The following TEAD1 variants were observed in gnomAD, a reference collection of about 807,000 sequenced individuals.
TEAD1 encodes transcriptional enhancer factor TEF-1.
A neutral mutation model predicts 54.9 loss-of-function variants in TEAD1; 9 were observed. That is an observed-to-expected ratio of 0.16 (90% CI 0.10 to 0.29). The LOEUF is 0.29. Ranked by LOEUF, TEAD1 falls within the 10% of genes least tolerant of loss-of-function variation. The pLI is 1.00. For synonymous variants in TEAD1, 200 were observed against 187.8 expected, an observed-to-expected ratio of 1.07 and a Z score of -0.53; for missense variants, 387 against 535.9, an observed-to-expected ratio of 0.72 and a Z score of 2.74.
intron 3 of TEAD1, among the ~76,000 whole-genome samples, chr11:12,819,712 A>C (rs1946498189): frequency 6.6e-6 from 1 of 152,088 alleles, no homozygotes; most frequent in Admixed American, 6.6e-5. Context: ...CGGTCTCCCA[A>C]AGTGCTGGGA....
intron 5 of TEAD1, among the ~76,000 whole-genome samples, chr11:12,874,104 C>A (rs998123766): frequency 6.6e-6 from 1 of 152,062 alleles, no homozygotes; most frequent in Non-Finnish European, 1.5e-5. Flanking sequence ...GAAATCATGG[C>A]CCATGAATAA....
At chr11:12,692,499 C>A (rs1158366372) in intron 2 of TEAD1, among the ~76,000 whole-genome samples, 2 of 152,084 alleles carry the variant, frequency 1.3e-5, no homozygotes, top group Non-Finnish European at 2.9e-5. Context: ...GCCCCTCACC[C>A]ACCACCCCGG....
intron 2 of TEAD1, among the ~76,000 whole-genome samples, chr11:12,692,226 AC>A (rs34508218): frequency 2.2e-4 from 33 of 151,846 alleles, no homozygotes; most frequent in African/African-American, 7.5e-4. Flanking sequence ...TAGGCCAACC[AC>A]CCCCCAGTCC....
At chr11:12,807,036 TG>T (rs1336750164) in intron 3 of TEAD1, among the ~76,000 whole-genome samples, 1 of 152,212 alleles carries the variant, frequency 6.6e-6, no homozygotes, top group African/African-American at 2.4e-5. Flanking sequence ...CATTGCACTT[TG>T]TTTTATTTTA....
At chr11:12,903,214 T>C (rs1424579089) in intron 10 of TEAD1, among the ~76,000 whole-genome samples, 1 of 152,206 alleles carries the variant, frequency 6.6e-6, no homozygotes, top group African/African-American at 2.4e-5. Flanking sequence ...GACAGGCTTG[T>C]AGGTTGGGTA....
chr11:12,811,137 C>T (rs1270749830), intron 3 of TEAD1, among the ~76,000 whole-genome samples: 1 of 152,188 alleles, frequency 6.6e-6, no homozygotes, highest in Non-Finnish European at 1.5e-5. Context: ...AGGGATGGTG[C>T]CTGACCAGTC....
chr11:12,777,827 A>C (rs1016538174), intron 3 of TEAD1, among the ~76,000 whole-genome samples: 1 of 152,200 alleles, frequency 6.6e-6, no homozygotes, highest in Non-Finnish European at 1.5e-5. Context: ...CTCAGTCCCC[A>C]TATGTCCTTA....
chr11:12,928,635 G>T (rs1304084425), intron 11 of TEAD1, among the ~76,000 whole-genome samples: 2 of 151,982 alleles, frequency 1.3e-5, no homozygotes, highest in African/African-American at 2.4e-5. Context: ...TTCATAAAAA[G>T]AATAACACTG....
At chr11:12,809,565 C>T (rs76055081) in intron 3 of TEAD1, among the ~76,000 whole-genome samples, 2,942 of 151,910 alleles carry the variant, frequency 0.019, 102 homozygotes, top group African/African-American at 0.067. Flanking sequence ...TTGGTCTAGC[C>T]ATAGGAACTC....
At chr11:12,764,839 G>A (rs986623975) in intron 3 of TEAD1, among the ~76,000 whole-genome samples, 7 of 150,208 alleles carry the variant, frequency 4.7e-5, no homozygotes, top group Middle Eastern at 3.4e-3. Context: ...TGGTGCTCCC[G>A]AATCCCTTGA....
At chr11:12,932,741 C>T (rs560869209) in intron 12 of TEAD1, among the ~76,000 whole-genome samples, 1 of 152,202 alleles carries the variant, frequency 6.6e-6, no homozygotes, top group South Asian at 2.1e-4. Context: ...CCTAAGTGTA[C>T]AGTACAAAAG....
intron 2 of TEAD1, among the ~76,000 whole-genome samples, chr11:12,726,444 G>A (rs1213321176): frequency 2.0e-5 from 3 of 152,222 alleles, no homozygotes; most frequent in Non-Finnish European, 4.4e-5. Flanking sequence ...TGTGCACTGG[G>A]GGAGTCACCA....
chr11:12,856,539 A>G (rs1947384289), intron 3 of TEAD1, among the ~76,000 whole-genome samples: 1 of 152,162 alleles, frequency 6.6e-6, no homozygotes, highest in Non-Finnish European at 1.5e-5. Flanking sequence ...CCCAGGTACA[A>G]AGTTCAAGGT....
intron 12 of TEAD1, among the ~76,000 whole-genome samples, chr11:12,934,064 G>T (rs1949056578): frequency 6.6e-6 from 1 of 152,152 alleles, no homozygotes; most frequent in African/African-American, 2.4e-5. Context: ...TATAAATCAT[G>T]CTGCTATAAA....
intron 3 of TEAD1, among the ~76,000 whole-genome samples, chr11:12,808,539 T>C (rs1590171576): frequency 6.6e-6 from 1 of 152,216 alleles, no homozygotes; most frequent in East Asian, 1.9e-4. Flanking sequence ...TTGCAGAGGG[T>C]CTCTGAGAAT....
chr11:12,691,289 AT>A (rs1943453268), intron 2 of TEAD1, among the ~76,000 whole-genome samples: 1 of 152,046 alleles, frequency 6.6e-6, no homozygotes, highest in Non-Finnish European at 1.5e-5. Context: ...ATGTGACCCT[AT>A]TAATAGTCTT....
intron 3 of TEAD1, among the ~76,000 whole-genome samples, chr11:12,819,628 T>C (rs558456918): frequency 1.3e-5 from 2 of 151,888 alleles, no homozygotes; most frequent in South Asian, 4.2e-4. Flanking sequence ...TTTTTTTGTA[T>C]TTTTAGTAGA....
intron 2 of TEAD1, among the ~76,000 whole-genome samples, chr11:12,759,250 A>G (rs1169963621): frequency 1.3e-5 from 2 of 152,196 alleles, no homozygotes; most frequent in African/African-American, 4.8e-5. Flanking sequence ...AGTTGGTGTC[A>G]GAGCACCTGC....
chr11:12,854,086 C>T lies in TEAD1; in HGVS notation c.203-8164C>T, dbSNP rs529506542. Among the ~76,000 whole-genome samples the T allele has an allele frequency of 4.6e-5, 7 of 152,268 alleles. No homozygotes were observed. In the South Asian group the frequency reaches 6.2e-4, roughly 14 times the overall value. On this transcript the variant is annotated intron_variant, in intron 3 of 12. Transcript: ENST00000527636. ...CCAGCCCCTGACAACCCTGAATGGG[C>T]GGCCTGGCTGTTTCTGGTGATTTTC... is the stretch of plus-strand genomic sequence containing the variant.
Sources: gnomAD v4.1 joint callset for allele counts (sites outside exome capture counted in the v4.1 genomes callset) on GRCh38, gnomAD v4.1.1 for gene constraint, MANE v1.5 for transcripts, NCBI Gene and HGNC (gene_info 2026-07-23, HGNC 2026-07-21) for gene names.